The following FXN variants were observed in gnomAD, a reference collection of about 807,000 sequenced individuals.
The protein encoded by FXN is frataxin, mitochondrial.
In FXN, 14 loss-of-function variants were observed where a neutral mutation model predicts 22.4. That is an observed-to-expected ratio of 0.62 (90% CI 0.41 to 0.98). The LOEUF is 0.98. Ranked by LOEUF, FXN falls within the 50% of genes least tolerant of loss-of-function variation. The pLI is 0.00. For synonymous variants in FXN, 120 were observed against 114.1 expected, an observed-to-expected ratio of 1.05 and a Z score of -0.33; for missense variants, 267 against 268.4, an observed-to-expected ratio of 0.99 and a Z score of 0.04.
chr9:69,052,603 C>T (rs1333482971), intron 2 of FXN, among the ~76,000 whole-genome samples: 8 of 140,196 alleles, frequency 5.7e-5, no homozygotes, highest in South Asian at 2.3e-4. Flanking sequence ...AGTGCAGTGG[C>T]GCAATCTCGG....
Position 69,071,088 on chromosome 9 carries a change from GGGA to G in FXN, c.483-1523_483-1521del, listed in dbSNP as rs137885677. 2,990 of 450,584 alleles carry G rather than the reference GGGA, an allele frequency of 6.6e-3. 67 individuals are homozygous for G. The highest frequency in any genetic ancestry group is 0.054 in the African/African-American group (2,682 of 49,584). 27.9% of individuals were successfully genotyped at this position (450,584 alleles called of 1,614,324 possible). A position where few individuals can be genotyped will look rare whatever the true frequency, so the allele number is the denominator to read the frequency against. On this transcript the variant is annotated intron_variant, in intron 4 of 4. Transcript: ENST00000484259. ...GGTTGCAGAATAAAGGAGAATTCTA[GGGA>G]CACGTGGGCATCAGTGCCTGTGCTC...
chr9:69,066,065 G>A (rs995464479), intron 4 of FXN, among the ~76,000 whole-genome samples: 1 of 152,196 alleles, frequency 6.6e-6, no homozygotes, highest in African/African-American at 2.4e-5. Context: ...GAAAGCCTGA[G>A]AACATGCAGG....
rs752999811 is a variant in FXN at position 69,053,218 on chromosome 9, A to G, written c.342A>G (p.Ala114=). ...DSLAEFFEDL[A]DKPYTFEDYD... ...TAGCAGAGTTTTTTGAAGACCTTGC[A>G]GACAAGCCATACACGTTTGAGGACT... Residue 114 remains alanine, a synonymous_variant, in exon 3 of 5, where the codon GCA becomes GCG. Transcript: ENST00000484259. 9.3e-6 allele frequency: 15 copies of G among 1,613,956 alleles called. No homozygotes were observed. The South Asian group carries it at 1.5e-4, about 17-fold the overall frequency.
chr9:69,045,273 G>GT (rs1248058383), intron 1 of FXN, among the ~76,000 whole-genome samples: 1 of 149,656 alleles, frequency 6.7e-6, no homozygotes, highest in East Asian at 1.9e-4. Context: ...CTAAAAGAAG[G>GT]TAAAAAAAAA....
At chr9:69,057,001 CCCAAAGTGCTGGGATTACAGGCAGCT>C (rs1376189330) in intron 3 of FXN, among the ~76,000 whole-genome samples, 3 of 152,020 alleles carry the variant, frequency 2.0e-5, no homozygotes, top group Admixed American at 2.0e-4. Context: ...GCTTTGGCCT[CCCAAAGTGCTGGGATTACAGGCAGCT>C]CCAAAGTGCT....
chr9:69,078,739 C>A lies in FXN; in HGVS notation c.*5977C>A. ...TGCTGTTTCCATTTTGGTCTTTATT[C>A]CCCACATCTCTGCCTGGGGGGTAGA... On this transcript the variant is annotated 3_prime_UTR_variant, in exon 5 of 5. Transcript: ENST00000484259. 4.1e-6 allele frequency: 4 copies of A among 985,624 alleles called. No homozygotes were observed. Among genetic ancestry groups the A allele is most frequent in the Non-Finnish European group, 4.8e-6 (4 of 830,006 alleles). The allele number at this position is 985,624 out of a possible 1,614,324, so 61.1% of individuals were successfully genotyped here. A position where few individuals can be genotyped will look rare whatever the true frequency, so the allele number is the denominator to read the frequency against.
chr9:69,046,331 A>T, intron 1 of FXN, 54 bp from the exon 2 acceptor site: 1 of 1,302,476 alleles, frequency 7.7e-7, no homozygotes, highest in Non-Finnish European at 1.1e-6. Context: ...TTATGCATTA[A>T]TGGGTTATAA....
intron 4 of FXN, among the ~76,000 whole-genome samples, chr9:69,069,570 G>A (rs1832235604): frequency 6.6e-6 from 1 of 152,232 alleles, no homozygotes; most frequent in African/African-American, 2.4e-5. Flanking sequence ...GGACTTGGCA[G>A]TGGAGGGGAA....
Position 69,072,873 on chromosome 9 carries a change from G to C in FXN, c.*111G>C. The C allele has an allele frequency of 6.3e-7, 1 of 1,583,482 alleles. No individual in the cohort carries two copies. Among genetic ancestry groups the C allele is most frequent in the Non-Finnish European group, 8.5e-7 (1 of 1,169,872 alleles). On this transcript the variant is annotated 3_prime_UTR_variant, in exon 5 of 5. Transcript: ENST00000484259. Reference sequence around the variant, plus strand: ...GTTGTTGTTTATTTTTTTTATTCCTGCTTTTGAGGACAGTTGGGCTATGTG... The same window carrying C: ...GTTGTTGTTTATTTTTTTTATTCCTCCTTTTGAGGACAGTTGGGCTATGTG...
chr9:69,075,612 A>G lies in FXN; in HGVS notation c.*2850A>G. On this transcript the variant is annotated 3_prime_UTR_variant, in exon 5 of 5. Transcript: ENST00000484259. Reference sequence around the variant, plus strand: ...AGACCCTGGGAGCATCGCCTCATTTATGGTGTGGTCCAGTCATCCATGTGA... The same window carrying G: ...AGACCCTGGGAGCATCGCCTCATTTGTGGTGTGGTCCAGTCATCCATGTGA... The G allele has an allele frequency of 1.0e-6, 1 of 985,358 alleles. No homozygotes were observed. Among genetic ancestry groups the G allele is most frequent in the Non-Finnish European group, 1.2e-6 (1 of 829,886 alleles). 61.0% of individuals were successfully genotyped at this position (985,358 alleles called of 1,614,324 possible). A position where few individuals can be genotyped will look rare whatever the true frequency, so the allele number is the denominator to read the frequency against.
intron 3 of FXN, among the ~76,000 whole-genome samples, chr9:69,057,050 A>G (rs2133116096): frequency 6.6e-6 from 1 of 152,264 alleles, no homozygotes; most frequent in Non-Finnish European, 1.5e-5. Flanking sequence ...GATTACAGGC[A>G]TGAGCCACCA....
rs1832321502 is a variant in FXN at position 69,074,026 on chromosome 9, A to G, written c.*1264A>G. On this transcript the variant is annotated 3_prime_UTR_variant, in exon 5 of 5. Transcript: ENST00000484259. ...TGATGAAACCCCGTCTCTACTAAAA[A>G]TACAAAAAATTAGCCGGGCATGATG... 1.1e-5 allele frequency: 4 copies of G among 360,702 alleles called. No individual in the cohort carries two copies. The highest frequency in any genetic ancestry group is 1.5e-5 in the Non-Finnish European group (4 of 258,898). The allele number at this position is 360,702 out of a possible 1,614,324, so 22.3% of individuals were successfully genotyped here.
chr9:69,042,093 C>T (rs1464364178), intron 1 of FXN, among the ~76,000 whole-genome samples: 1 of 152,134 alleles, frequency 6.6e-6, no homozygotes, highest in Non-Finnish European at 1.5e-5. Flanking sequence ...CAAAAATTAG[C>T]TGGGCATGGA....
At chr9:69,047,340 C>CACAGACACAAG (rs1564331358) in intron 2 of FXN, among the ~76,000 whole-genome samples, 4 of 149,840 alleles carry the variant, frequency 2.7e-5, no homozygotes, top group African/African-American at 9.9e-5. Flanking sequence ...GACACAGACA[C>CACAGACACAAG]ACACACACAG....
At chr9:69,071,641 T>A (rs7861997) in intron 4 of FXN, among the ~76,000 whole-genome samples, 2 of 152,228 alleles carry the variant, frequency 1.3e-5, no homozygotes, top group East Asian at 1.9e-4. Context: ...CATTATTCAC[T>A]GGATGAGCTT....
intron 3 of FXN, among the ~76,000 whole-genome samples, chr9:69,064,633 A>C (rs1236691752): frequency 6.6e-6 from 1 of 152,138 alleles, no homozygotes; most frequent in Non-Finnish European, 1.5e-5. Flanking sequence ...GCCAGCACCA[A>C]GACCTGAGAC....
chr9:69,064,882 T>C lies in FXN; in HGVS notation c.385-56T>C, dbSNP rs561007098. On this transcript the variant is annotated intron_variant, in intron 3 of 4. Transcript: ENST00000484259. ...AAAACATGAAGCAATGATGACAAAG[T>C]GCTAACTTTTTCTTGTTTTAATTTC... The C allele has an allele frequency of 2.2e-4, 225 of 1,036,734 alleles. 5 individuals carry two copies. The South Asian group carries it at 2.8e-3, about 13-fold the overall frequency. 64.2% of individuals were successfully genotyped at this position (1,036,734 alleles called of 1,614,324 possible).
At chr9:69,046,198 C>G (rs1422272060) in intron 1 of FXN, among the ~76,000 whole-genome samples, 187 bp from the exon 2 acceptor site, 1 of 151,994 alleles carries the variant, frequency 6.6e-6, no homozygotes, top group Non-Finnish European at 1.5e-5. Flanking sequence ...AACCGGGAAC[C>G]AGGGGAGAGG....
Position 69,077,370 on chromosome 9 carries a change from C to A in FXN, c.*4608C>A, listed in dbSNP as rs530564724. 9.1e-6 allele frequency: 9 copies of A among 985,438 alleles called. No homozygotes were observed. The Admixed American group carries it at 5.5e-4, about 60-fold the overall frequency. 61.0% of individuals were successfully genotyped at this position (985,438 alleles called of 1,614,324 possible). ...CAGAATCCAAGCTCATATGTTCCAT[C>A]TTCTCTGGCTGTATAGTTTAAGGAA... On this transcript the variant is annotated 3_prime_UTR_variant, in exon 5 of 5. Transcript: ENST00000484259.
Sources: allele counts gnomAD v4.1 joint callset (sites outside exome capture counted in the v4.1 genomes callset), GRCh38; gene constraint gnomAD v4.1.1; transcripts MANE v1.5; gene names NCBI Gene and HGNC (gene_info 2026-07-23, HGNC 2026-07-21).